The following DCAF6 variants were observed in gnomAD, a reference collection of about 807,000 sequenced individuals.
DCAF6 encodes the protein DDB1- and CUL4-associated factor 6.
DCAF6 carries 54 observed loss-of-function variants against 125.1 expected under a neutral mutation model. The observed-to-expected ratio is 0.43, with a 90% CI of 0.35 to 0.54. The LOEUF (loss-of-function observed/expected upper bound fraction) is 0.54. DCAF6 is among the 20% of genes least tolerant of loss of function. DCAF6 has a pLI of 0.01. For missense variants in DCAF6, 934 were observed against 1,161.7 expected (o/e 0.80, Z 2.85); for synonymous variants, 371 against 390.4 (o/e 0.95, Z 0.58).
chr1:168,058,783 G>C (rs148923476), intron 17 of DCAF6, among the ~76,000 whole-genome samples: 1 of 152,110 alleles, frequency 6.6e-6, no homozygotes, highest in Admixed American at 6.6e-5. Context: ...TAGTCAGGCT[G>C]GTCTTGAACT....
intron 11 of DCAF6, among the ~76,000 whole-genome samples, chr1:168,020,567 C>T (rs1338636944): frequency 6.6e-6 from 1 of 152,072 alleles, no homozygotes; most frequent in African/African-American, 2.4e-5. Flanking sequence ...AATAAGCTGA[C>T]CAACCATATT....
chr1:167,901,747 T>C, the DCAF6 span: 2 of 1,614,186 alleles, frequency 1.2e-6, no homozygotes, highest in Admixed American at 1.7e-5. Context: ...TAATTACCAC[T>C]GTGATAATGT....
intron 17 of DCAF6, among the ~76,000 whole-genome samples, chr1:168,057,045 T>G (rs1690962499): frequency 6.6e-6 from 1 of 152,326 alleles, no homozygotes; most frequent in South Asian, 2.1e-4. Flanking sequence ...ACTGAATTAC[T>G]TAAGTCATTT....
chr1:167,882,594 A>G, the DCAF6 span, among the ~76,000 whole-genome samples: 1 of 152,082 alleles, frequency 6.6e-6, no homozygotes, highest in South Asian at 2.1e-4. Context: ...TGACATGGCA[A>G]GTGGGCTTTC....
At chr1:167,969,811 C>G (rs912335010) in intron 3 of DCAF6, among the ~76,000 whole-genome samples, 12 of 152,194 alleles carry the variant, frequency 7.9e-5, no homozygotes, top group Non-Finnish European at 1.5e-5. Context: ...GAGTCTTGCT[C>G]TGTTGCCCAG....
chr1:168,075,330 A>G (rs759616523), intron 21 of DCAF6, 41 bp from the exon 22 acceptor site: 3 of 1,540,826 alleles, frequency 1.9e-6, no homozygotes, highest in African/African-American at 1.4e-5. Flanking sequence ...TGTAATTACT[A>G]AAAGTATTTC....
the DCAF6 span, among the ~76,000 whole-genome samples, chr1:167,892,374 T>C: frequency 6.6e-6 from 1 of 152,212 alleles, no homozygotes; most frequent in South Asian, 2.1e-4. Flanking sequence ...GGACTTCTCT[T>C]CTTTGGGTTC....
intron 12 of DCAF6, among the ~76,000 whole-genome samples, chr1:168,030,420 G>T (rs542991806): frequency 6.6e-6 from 1 of 152,274 alleles, no homozygotes; most frequent in South Asian, 2.1e-4. Context: ...TTTAGGTTTC[G>T]CATTTTTATT....
At chr1:168,074,056 T>C (rs1572199956) in intron 21 of DCAF6, among the ~76,000 whole-genome samples, 2 of 151,488 alleles carry the variant, frequency 1.3e-5, no homozygotes, top group African/African-American at 4.8e-5. Flanking sequence ...TTGTATTCAA[T>C]ACCTATTTGT....
At chr1:168,007,848 T>A (rs1683551164) in intron 10 of DCAF6, among the ~76,000 whole-genome samples, 1 of 151,932 alleles carries the variant, frequency 6.6e-6, no homozygotes. Context: ...TCCTGTAAAT[T>A]CATGACTCAC....
upstream of DCAF6, among the ~76,000 whole-genome samples, chr1:167,933,735 C>T (rs561359531): frequency 1.3e-5 from 2 of 152,252 alleles, no homozygotes; most frequent in East Asian, 3.9e-4. Context: ...AGATTTTATT[C>T]AATACTCATC....
chr1:167,996,804 T>C (rs1337023727), intron 7 of DCAF6, among the ~76,000 whole-genome samples: 2 of 152,216 alleles, frequency 1.3e-5, no homozygotes, highest in East Asian at 3.8e-4. Context: ...CTGCCTGAAA[T>C]GCTCTTCCCT....
chr1:168,008,124 C>T (rs1305259659), intron 10 of DCAF6, among the ~76,000 whole-genome samples: 1 of 151,804 alleles, frequency 6.6e-6, no homozygotes, highest in African/African-American at 2.4e-5. Context: ...TTCCTGCCAC[C>T]ACACCCAGCA....
Position 168,075,621 on chromosome 1 carries a change from A to G in DCAF6, c.*186A>G, listed in dbSNP as rs1693712644. ...ATGAATTTGGGAGATTGTATAAAACAAAACTAGCAGAATGTTTTTAAAACT... is the reference window on the plus strand; with the variant it reads ...ATGAATTTGGGAGATTGTATAAAACGAAACTAGCAGAATGTTTTTAAAACT... On this transcript the variant is annotated 3_prime_UTR_variant, in exon 22 of 22. Transcript: ENST00000367840. 1 of 514,638 alleles carries G rather than the reference A, an allele frequency of 1.9e-6. No individual in the cohort carries two copies. Among genetic ancestry groups the G allele is most frequent in the African/African-American group, 2.0e-5 (1 of 50,012 alleles). 31.9% of individuals were successfully genotyped at this position (514,638 alleles called of 1,614,324 possible). A position where few individuals can be genotyped will look rare whatever the true frequency, so the allele number is the denominator to read the frequency against.
At chr1:167,994,496 A>G (rs1040229585) in intron 7 of DCAF6, among the ~76,000 whole-genome samples, 1 of 152,178 alleles carries the variant, frequency 6.6e-6, no homozygotes, top group Non-Finnish European at 1.5e-5. Context: ...CTAGTGATTT[A>G]TAACAGTAAC....
At chr1:167,988,166 T>C (rs531852321) in intron 5 of DCAF6, among the ~76,000 whole-genome samples, 1 of 152,248 alleles carries the variant, frequency 6.6e-6, no homozygotes, top group East Asian at 1.9e-4. Context: ...AATTAATTAA[T>C]TAATTTTTTT....
chr1:167,901,186 C>T, the DCAF6 span, among the ~76,000 whole-genome samples: 7 of 152,074 alleles, frequency 4.6e-5, no homozygotes, highest in South Asian at 1.0e-3. Context: ...CTTTAAGAAG[C>T]CTTGTGTAAA....
At position 167,958,349 on chromosome 1, in the gene DCAF6, T is replaced by C. The variant is rs1307469383; in HGVS notation, c.159+6488T>C. Among the ~76,000 whole-genome samples the C allele has an allele frequency of 8.0e-4, 122 of 152,096 alleles. 1 individual carries two copies. The highest frequency in any genetic ancestry group is 2.6e-4 in the Non-Finnish European group (18 of 67,944). ...GGGTCCAAGGTGTTTTTTTTTGTTT[T>C]TTTTTTGGTGGCGATTATCTAGTTG... On this transcript the variant is annotated intron_variant, in intron 2 of 21. Coordinates refer to ENST00000367840, the MANE Select transcript of DCAF6 (RefSeq NM_001198956.2).
In DCAF6 at chr1:167,953,104, CTG is replaced by C. The variant is rs113474849; in HGVS notation, c.159+1245_159+1246del. Among the ~76,000 whole-genome samples, 449 of 152,152 alleles carry C rather than the reference CTG, an allele frequency of 3.0e-3. 1 individual carries two copies. Among genetic ancestry groups the C allele is most frequent in the African/African-American group, 0.01 (425 of 41,508 alleles). ...CCATTAGGTAATTTAATAATATTGACTGTTTTTTCGGTATTAATCTAATATAT... is the reference window on the plus strand; with the variant it reads ...CCATTAGGTAATTTAATAATATTGACTTTTTTCGGTATTAATCTAATATAT... On this transcript the variant is annotated intron_variant, in intron 2 of 21. Coordinates refer to ENST00000367840, the MANE Select transcript of DCAF6 (RefSeq NM_001198956.2).
Sources: gnomAD v4.1 joint callset for allele counts (sites outside exome capture counted in the v4.1 genomes callset) on GRCh38, gnomAD v4.1.1 for gene constraint, MANE v1.5 for transcripts, NCBI Gene and HGNC (gene_info 2026-07-23, HGNC 2026-07-21) for gene names.